The following THTPA variants were observed in gnomAD, a reference collection of about 807,000 sequenced individuals.
THTPA encodes thiamine-triphosphatase.
THTPA carries 16 observed loss-of-function variants against 16.5 expected under a neutral mutation model. The observed-to-expected ratio is 0.97, with a 90% CI of 0.66 to 1.47. THTPA has a LOEUF of 1.47. Ranked by LOEUF, THTPA falls within the 40% of genes most tolerant of loss-of-function variation. The pLI is 0.00. For missense variants in THTPA, 281 were observed against 280.9 expected (o/e 1.00, Z 0.00); for synonymous variants, 110 against 115.5 (o/e 0.95, Z 0.30).
At chr14:23,524,073 C>T in the THTPA span, 1 of 1,521,850 alleles carries the variant, frequency 6.6e-7, no homozygotes, top group African/African-American at 1.4e-5. The surrounding 1 kb of genome is among the most constrained non-coding windows in gnomAD (Gnocchi z 5.6). Flanking sequence ...TTTGGGGCTT[C>T]CCTCCCAGTG....
the THTPA span, among the ~76,000 whole-genome samples, chr14:23,549,492 T>G: frequency 6.6e-6 from 1 of 152,140 alleles, no homozygotes; most frequent in Non-Finnish European, 1.5e-5. Flanking sequence ...CTAAATGAAC[T>G]TGGCTCCTTA....
At chr14:23,524,935 G>T in the THTPA span, 1 of 1,536,270 alleles carries the variant, frequency 6.5e-7, no homozygotes, top group Admixed American at 2.0e-5. This position sits in a 1 kb window ranked among gnomAD's most constrained non-coding sequence, Gnocchi z 5.6. Context: ...TGCAGCCGGA[G>T]GCTCCCCCAG....
At chr14:23,516,787 G>GT in the THTPA span, among the ~76,000 whole-genome samples, 1 of 152,320 alleles carries the variant, frequency 6.6e-6, no homozygotes, top group East Asian at 1.9e-4. Flanking sequence ...TGAGCACTTG[G>GT]TGGGGACATC....
the THTPA span, among the ~76,000 whole-genome samples, chr14:23,550,039 A>G: frequency 6.6e-6 from 1 of 152,242 alleles, no homozygotes; most frequent in Admixed American, 6.5e-5. Flanking sequence ...AAAATATACA[A>G]TGATACAGTG....
the THTPA span, among the ~76,000 whole-genome samples, chr14:23,516,177 G>A: frequency 2.6e-5 from 4 of 152,314 alleles, no homozygotes; most frequent in East Asian, 7.7e-4. Flanking sequence ...GGTCTTAGGT[G>A]TGGTCCAGGA....
At chr14:23,528,479 T>G in the THTPA span, 1 of 544,782 alleles carries the variant, frequency 1.8e-6, no homozygotes, top group Non-Finnish European at 2.3e-6. Flanking sequence ...GCCCCCACCT[T>G]GGATTTAGTT....
the THTPA span, chr14:23,535,357 A>G: frequency 3.5e-6 from 5 of 1,440,814 alleles, no homozygotes; most frequent in East Asian, 1.3e-4. This position sits in a 1 kb window ranked among gnomAD's most constrained non-coding sequence, Gnocchi z 4.5. Flanking sequence ...GGCTCATGTC[A>G]GCGTGACAGC....
the THTPA span, chr14:23,533,924 G>C: frequency 6.5e-7 from 1 of 1,538,094 alleles, no homozygotes; most frequent in Admixed American, 2.0e-5. The surrounding 1 kb of genome is among the most constrained non-coding windows in gnomAD (Gnocchi z 4.8). Context: ...TGCACATCCA[G>C]GGTCTGCTGG....
chr14:23,526,563 G>C, the THTPA span: 1 of 1,535,928 alleles, frequency 6.5e-7, no homozygotes, highest in Admixed American at 2.0e-5. Flanking sequence ...ACTGGAGATG[G>C]GGCTGGAGAA....
upstream of THTPA, among the ~76,000 whole-genome samples, chr14:23,552,192 T>G (rs1882019603): frequency 6.6e-6 from 1 of 152,120 alleles, no homozygotes; most frequent in Admixed American, 6.5e-5. Context: ...TGAGAGCTTC[T>G]GCCTCCTCCA....
At chr14:23,527,782 C>A in the THTPA span, 1 of 1,535,984 alleles carries the variant, frequency 6.5e-7, no homozygotes, top group Non-Finnish European at 8.7e-7. Context: ...GCTCAGGAAG[C>A]TGCAGTATGG....
At chr14:23,549,779 A>G in the THTPA span, among the ~76,000 whole-genome samples, 1 of 152,210 alleles carries the variant, frequency 6.6e-6, no homozygotes, top group South Asian at 2.1e-4. Flanking sequence ...AGCTCATTAA[A>G]TTTATTTCTT....
Position 23,558,801 on chromosome 14 carries a change from G to C in THTPA, c.654G>C (p.Arg218Ser). Residue 218 changes from arginine (R) to serine (S), a missense_variant, in exon 2 of 2, where the codon AGG (arginine) becomes AGC (serine). By Grantham distance (110) the Arg-to-Ser change is moderately radical (BLOSUM62 -1). Transcript: ENST00000288014. ...RLLEVNSSRE[R>S]PQETEDPDHC... ...TAGAAGTGAACAGCTCCAGAGAGAG[G>C]CCACAGGAGACTGAAGATCCTGACC... 1 of 1,614,192 alleles carries C rather than the reference G, an allele frequency of 6.2e-7. No homozygotes were observed. Among genetic ancestry groups the C allele is most frequent in the South Asian group, 1.1e-5 (1 of 91,086 alleles).
At chr14:23,523,412 G>A in the THTPA span, 53 of 1,527,388 alleles carry the variant, frequency 3.5e-5, no homozygotes, top group Middle Eastern at 1.7e-4. The surrounding 1 kb of genome is among the most constrained non-coding windows in gnomAD (Gnocchi z 4.1). Context: ...GGCTCGAACC[G>A]CCTCCTTGAG....
the THTPA span, chr14:23,522,707 T>C: frequency 2.0e-6 from 3 of 1,536,606 alleles, no homozygotes; most frequent in Non-Finnish European, 1.7e-6. Flanking sequence ...CTTGAGGGCA[T>C]CATTGGAGGA....
At chr14:23,515,137 C>G in the THTPA span, among the ~76,000 whole-genome samples, 2 of 152,076 alleles carry the variant, frequency 1.3e-5, no homozygotes, top group Non-Finnish European at 2.9e-5. Context: ...GAGAGGGACA[C>G]CAGCTGTGTT....
chr14:23,530,367 A>G, the THTPA span: 2 of 703,278 alleles, frequency 2.8e-6, no homozygotes, highest in Admixed American at 2.0e-5. Flanking sequence ...CACAGAAGAT[A>G]GAGGGAAAAT....
the THTPA span, chr14:23,525,783 G>A: frequency 1.5e-5 from 22 of 1,498,348 alleles, no homozygotes; most frequent in East Asian, 2.0e-4. The surrounding 1 kb of genome is among the most constrained non-coding windows in gnomAD (Gnocchi z 5.9). Flanking sequence ...GGCAGGGACA[G>A]CACAGGTGCA....
At chr14:23,513,339 C>T in the THTPA span, 1 of 152,520 alleles carries the variant, frequency 6.6e-6, no homozygotes, top group Non-Finnish European at 1.5e-5. Context: ...CCTCGGGTAC[C>T]AGTCACTGTG....
Sources: allele counts gnomAD v4.1 joint callset (sites outside exome capture counted in the v4.1 genomes callset), GRCh38; gene constraint gnomAD v4.1.1; non-coding constraint Gnocchi (gnomAD v3.1); transcripts MANE v1.5; gene names NCBI Gene and HGNC (gene_info 2026-07-23, HGNC 2026-07-21).